Variants in ACOXL observed in about 807,000 individuals in gnomAD.
ACOXL encodes the protein acyl-CoA oxidase like.
Under a neutral mutation model 71.9 loss-of-function variants are expected in ACOXL, and 70 were observed. That is an observed-to-expected ratio of 0.97 (90% CI 0.80 to 1.19). ACOXL has a LOEUF of 1.19. ACOXL is among the 50% of genes most tolerant of loss of function. The pLI is 0.00. For missense variants in ACOXL, 703 were observed against 736.3 expected, an observed-to-expected ratio of 0.95 and a Z score of 0.52; for synonymous variants, 253 against 281.6, an observed-to-expected ratio of 0.90 and a Z score of 1.02.
chr2:110,832,408 G>T (rs1689941370), intron 9 of ACOXL, among the ~76,000 whole-genome samples: 1 of 151,822 alleles, frequency 6.6e-6, no homozygotes, highest in Non-Finnish European at 1.5e-5. Flanking sequence ...TGCGGTGGCG[G>T]GCGCCTGTAG....
intron 5 of ACOXL, among the ~76,000 whole-genome samples, chr2:110,798,067 A>G (rs1173852574): frequency 6.6e-6 from 1 of 152,188 alleles, no homozygotes; most frequent in African/African-American, 2.4e-5. Flanking sequence ...TATTCCTTGA[A>G]AAATCACTTT....
intron 1 of ACOXL, among the ~76,000 whole-genome samples, chr2:110,746,264 T>C (rs543827569): frequency 6.6e-6 from 1 of 152,280 alleles, no homozygotes; most frequent in Non-Finnish European, 1.5e-5. Flanking sequence ...CTGTTTTTTT[T>C]CAACAGTGTC....
intron 10 of ACOXL, among the ~76,000 whole-genome samples, chr2:110,864,203 C>A (rs548725134): frequency 6.6e-6 from 1 of 152,316 alleles, no homozygotes; most frequent in South Asian, 2.1e-4. Flanking sequence ...TTGGTCAAAT[C>A]TGTTCTTTCC....
chr2:110,995,499 CAA>C (rs567318996), intron 13 of ACOXL, among the ~76,000 whole-genome samples: 5 of 67,304 alleles, frequency 7.4e-5, no homozygotes, highest in East Asian at 4.6e-4. Context: ...GACTCTGTCT[CAA>C]AAAAAAAAAA....
At chr2:110,807,109 T>C (rs1248719340) in intron 9 of ACOXL, among the ~76,000 whole-genome samples, 1 of 152,162 alleles carries the variant, frequency 6.6e-6, no homozygotes, top group African/African-American at 2.4e-5. Flanking sequence ...TCAGTTCCTT[T>C]ATTGGTTGTC....
intron 9 of ACOXL, among the ~76,000 whole-genome samples, chr2:110,839,526 A>G (rs1415385163): frequency 6.6e-6 from 1 of 152,152 alleles, no homozygotes; most frequent in African/African-American, 2.4e-5. Flanking sequence ...GGTGATTGTG[A>G]TGTGCAATCA....
chr2:111,014,395 A>G (rs1300977945), intron 14 of ACOXL, among the ~76,000 whole-genome samples: 1 of 152,244 alleles, frequency 6.6e-6, no homozygotes. Flanking sequence ...TGAGTTTCTT[A>G]GGAACACATT....
intron 10 of ACOXL, among the ~76,000 whole-genome samples, chr2:110,872,676 C>T (rs1251991109): frequency 3.9e-5 from 6 of 152,264 alleles, no homozygotes; most frequent in African/African-American, 1.2e-4. Flanking sequence ...CAGGAGGCTG[C>T]AGGGCGTGGC....
At position 110,770,152 on chromosome 2, in the gene ACOXL, C is replaced by T. The variant is rs536469565; in HGVS notation, c.75+1688C>T. 3.3e-5 allele frequency among the ~76,000 whole-genome samples: 5 copies of T among 152,292 alleles called. No individual in the cohort carries two copies. In the South Asian group the frequency reaches 1.0e-3, roughly 32 times the overall value. ...GCAGCTCAGCGGCATGCTGAGGAGCCGACCCTATCCTGCAGCAGCCCAGCC... is the reference window on the plus strand; with the variant it reads ...GCAGCTCAGCGGCATGCTGAGGAGCTGACCCTATCCTGCAGCAGCCCAGCC... On this transcript the variant is annotated intron_variant, in intron 2 of 17. Coordinates refer to ENST00000439055, the MANE Select transcript of ACOXL (RefSeq NM_001142807.4).
chr2:110,771,993 A>T (rs13339804), intron 2 of ACOXL, among the ~76,000 whole-genome samples: 5,221 of 152,316 alleles, frequency 0.034, 141 homozygotes, highest in African/African-American at 0.071. Context: ...ACTGATCTTC[A>T]CCATAGCAGA....
intron 14 of ACOXL, among the ~76,000 whole-genome samples, chr2:110,999,336 A>G (rs67250604): frequency 6.6e-6 from 1 of 152,022 alleles, no homozygotes; most frequent in African/African-American, 2.4e-5. Flanking sequence ...CAAGACTCCC[A>G]TCTCTTAAAT....
intron 16 of ACOXL, among the ~76,000 whole-genome samples, chr2:111,081,543 C>G (rs1271368342): frequency 1.3e-5 from 2 of 152,172 alleles, no homozygotes; most frequent in African/African-American, 4.8e-5. Context: ...AATGGAAAAA[C>G]ATTCCATGCT....
intron 16 of ACOXL, among the ~76,000 whole-genome samples, chr2:111,057,078 A>C (rs2149862837): frequency 6.6e-6 from 1 of 152,306 alleles, no homozygotes; most frequent in Non-Finnish European, 1.5e-5. Context: ...CTAGTGGAGC[A>C]CTCAGTTGGG....
At chr2:111,035,950 C>G (rs2065490478) in intron 15 of ACOXL, among the ~76,000 whole-genome samples, 1 of 152,208 alleles carries the variant, frequency 6.6e-6, no homozygotes, top group African/African-American at 2.4e-5. Context: ...ACGGGAATAT[C>G]CCTACCGCCT....
intron 1 of ACOXL, among the ~76,000 whole-genome samples, chr2:110,741,955 G>A (rs1390792058): frequency 6.6e-6 from 1 of 152,186 alleles, no homozygotes; most frequent in African/African-American, 2.4e-5. Context: ...GTTTTCTTGC[G>A]AGTCTCACAA....
chr2:110,754,613 C>T (rs1212735328), intron 1 of ACOXL, among the ~76,000 whole-genome samples: 1 of 152,208 alleles, frequency 6.6e-6, no homozygotes, highest in Non-Finnish European at 1.5e-5. Flanking sequence ...TCACTCAACA[C>T]AATGCCCTAT....
At chr2:110,865,835 G>GT (rs55939314) in intron 10 of ACOXL, among the ~76,000 whole-genome samples, 41 of 148,560 alleles carry the variant, frequency 2.8e-4, no homozygotes, top group African/African-American at 8.4e-4. Context: ...CCTACAACTT[G>GT]TTTTTTTTTT....
intron 16 of ACOXL, among the ~76,000 whole-genome samples, chr2:111,054,279 G>T (rs1404314097): frequency 6.6e-6 from 1 of 152,188 alleles, no homozygotes; most frequent in Non-Finnish European, 1.5e-5. Context: ...GCAACCTTTG[G>T]CAGGGCTGTC....
chr2:111,003,577 A>AAAAAAAAAAAAAAAAC (rs1467323433), intron 14 of ACOXL, among the ~76,000 whole-genome samples: 2 of 147,448 alleles, frequency 1.4e-5, no homozygotes, highest in African/African-American at 2.5e-5. Context: ...AAAAAAAAAA[A>AAAAAAAAAAAAAAAAC]AAGAATCACA....
Sources: allele counts gnomAD v4.1 joint callset (sites outside exome capture counted in the v4.1 genomes callset), GRCh38; gene constraint gnomAD v4.1.1; transcripts MANE v1.5; gene names NCBI Gene and HGNC (gene_info 2026-07-23, HGNC 2026-07-21).